P4HA3: variants seen among roughly 807,000 people sequenced by gnomAD.
The protein encoded by P4HA3 is prolyl 4-hydroxylase subunit alpha 3, also known as prolyl 4-hydroxylase subunit alpha-3.
P4HA3 carries 60 observed loss-of-function variants against 66.7 expected under a neutral mutation model. That is an observed-to-expected ratio of 0.90 (90% CI 0.73 to 1.12). The LOEUF (loss-of-function observed/expected upper bound fraction) is 1.12. P4HA3 is among the 50% of genes most tolerant of loss of function. The pLI, the probability that P4HA3 is intolerant of heterozygous loss-of-function variation, is 0.00. For synonymous variants in P4HA3, 263 were observed against 274.6 expected (o/e 0.96, Z 0.42); for missense variants, 683 against 685.8 (o/e 1.00, Z 0.05).
intron 15 of P4HA3, among the ~76,000 whole-genome samples, chr11:74,258,148 A>G (rs926168324): frequency 1.3e-5 from 2 of 152,172 alleles, no homozygotes; most frequent in Non-Finnish European, 2.9e-5. Context: ...ACTCATTCTC[A>G]GTCTGGGGCC....
chr11:74,253,560 C>G (rs776799516), intron 15 of P4HA3: 38 of 1,561,602 alleles, frequency 2.4e-5, no homozygotes, highest in Non-Finnish European at 3.3e-5. Context: ...GTAAATACGT[C>G]GCACCAGAGG....
rs766362974 is a variant in P4HA3 at position 74,279,445 on chromosome 11, C to T, written c.1118G>A (p.Arg373Lys). The T allele has an allele frequency of 7.4e-6, 12 of 1,613,790 alleles. No homozygotes were observed. Among genetic ancestry groups the T allele is most frequent in the Non-Finnish European group, 1.0e-5 (12 of 1,179,832 alleles). ...CTTCTCCCCTGATGCCACCACTGAC[C>T]TCTGTAGCTGGTGGGAAGAATGTAA... ...IRELAEPWLQ[R>K]SVVASGEKQL... The change falls in exon 8 of 13, where the codon AGG becomes AAG. Residue 373 changes from arginine (R) to lysine (K), a missense_variant. Coordinates refer to ENST00000331597, the MANE Select transcript of P4HA3 (RefSeq NM_182904.5).
intron 10 of P4HA3, among the ~76,000 whole-genome samples, chr11:74,271,990 T>A (rs146080813): frequency 0.01 from 1,594 of 152,168 alleles, 24 homozygotes; most frequent in Middle Eastern, 0.031. Context: ...CCTTACATTA[T>A]CTCATCAGAC....
intron 7 of P4HA3, among the ~76,000 whole-genome samples, chr11:74,281,575 G>T (rs1860598945): frequency 6.6e-6 from 1 of 152,014 alleles, no homozygotes; most frequent in African/African-American, 2.4e-5. Flanking sequence ...TCCTTTGTAG[G>T]GACATGGATG....
chr11:74,276,793 T>A (rs183411433), intron 9 of P4HA3, among the ~76,000 whole-genome samples, 192 bp downstream of exon 9: 102 of 152,300 alleles, frequency 6.7e-4, no homozygotes, highest in Non-Finnish European at 1.2e-3. Flanking sequence ...AGAAGGGAGA[T>A]GGTGGCAGAC....
chr11:74,300,827 TAGA>T (rs1861385050), intron 3 of P4HA3, among the ~76,000 whole-genome samples: 1 of 152,166 alleles, frequency 6.6e-6, no homozygotes, highest in Non-Finnish European at 1.5e-5. Flanking sequence ...AGGATGTTAA[TAGA>T]AGCTTTATTC....
At chr11:74,298,630 T>C (rs991884633) in intron 3 of P4HA3, among the ~76,000 whole-genome samples, 3 of 152,176 alleles carry the variant, frequency 2.0e-5, no homozygotes, top group South Asian at 4.1e-4. Context: ...CAGAATATCA[T>C]GAGTGCTCCA....
At position 74,280,428 on chromosome 11, in the gene P4HA3, G is replaced by A. The variant is rs758160685; in HGVS notation, c.1111-976C>T. 1.8e-4 allele frequency among the ~76,000 whole-genome samples: 28 copies of A among 152,140 alleles called. 1 individual carries two copies. Among genetic ancestry groups the A allele is most frequent in the Admixed American group, 8.5e-4 (13 of 15,276 alleles). ...TCCCACCTCGGCCTCCCAAAGTGCT[G>A]GGATTACAGGAATGAGCCACCATAC... On this transcript the variant is annotated intron_variant, in intron 7 of 12. Transcript: ENST00000331597.
intron 1 of P4HA3, among the ~76,000 whole-genome samples, chr11:74,306,291 TC>T (rs940834798): frequency 4.6e-5 from 7 of 152,134 alleles, no homozygotes; most frequent in Non-Finnish European, 8.8e-5. Flanking sequence ...CCAGTTAATT[TC>T]CCTTCTCCAG....
chr11:74,267,693 G>A (rs188015397), intron 12 of P4HA3, among the ~76,000 whole-genome samples: 2 of 152,274 alleles, frequency 1.3e-5, no homozygotes, highest in African/African-American at 4.8e-5. Context: ...CAGCTTATGA[G>A]CCCCCTTCCA....
At chr11:74,276,510 C>T (rs1413177554) in intron 9 of P4HA3, among the ~76,000 whole-genome samples, 2 of 151,908 alleles carry the variant, frequency 1.3e-5, no homozygotes, top group Non-Finnish European at 2.9e-5. Flanking sequence ...TATGATGGTG[C>T]CACTACACTG....
At chr11:74,299,827 C>T (rs898897789) in intron 3 of P4HA3, among the ~76,000 whole-genome samples, 1 of 151,904 alleles carries the variant, frequency 6.6e-6, no homozygotes, top group Non-Finnish European at 1.5e-5. Flanking sequence ...GTTATAATGC[C>T]CATATGAGGA....
chr11:74,304,554 G>T, intron 1 of P4HA3, 142 bp from the exon 2 acceptor site: 1 of 945,230 alleles, frequency 1.1e-6, no homozygotes, highest in Non-Finnish European at 1.6e-6. Flanking sequence ...CAACCAAAAA[G>T]CCATGCAAGC....
chr11:74,269,852 A>G, intron 10 of P4HA3, 132 bp from the exon 11 acceptor site: 1 of 955,254 alleles, frequency 1.0e-6, no homozygotes, highest in South Asian at 1.9e-5. Context: ...TTGAAAGACA[A>G]TCATCCAACT....
At chr11:74,300,370 C>T (rs1412820173) in intron 3 of P4HA3, among the ~76,000 whole-genome samples, 2 of 152,196 alleles carry the variant, frequency 1.3e-5, no homozygotes, top group African/African-American at 2.4e-5. Context: ...GTGGTTTATG[C>T]CTGTAATCCC....
At chr11:74,276,407 A>T (rs1025192531) in intron 9 of P4HA3, among the ~76,000 whole-genome samples, 18 of 152,024 alleles carry the variant, frequency 1.2e-4, no homozygotes, top group East Asian at 3.9e-4. Context: ...TACAAAAAAA[A>T]TTTTTTTAAA....
At position 74,311,499 on chromosome 11, in the gene P4HA3, G is replaced by A. The variant is rs1861748405; in HGVS notation, c.113C>T (p.Ala38Val). 18 of 1,535,468 alleles carry A rather than the reference G, an allele frequency of 1.2e-5. No individual in the cohort carries two copies. The highest frequency in any genetic ancestry group is 1.5e-5 in the Non-Finnish European group (17 of 1,148,614). ...GDTFSALTSV[A>V]RALAPERRLL... ...CCGGCGCTCGGGCGCCAGGGCGCGC[G>A]CCACGCTGGTCAGCGCCGAGAACGT... The change falls in exon 1 of 13, where the codon GCG becomes GTG. Residue 38 changes from alanine to valine, a missense_variant. Coordinates refer to ENST00000331597, the MANE Select transcript of P4HA3 (RefSeq NM_182904.5).
chr11:74,303,880 G>C (rs931746196), intron 2 of P4HA3, among the ~76,000 whole-genome samples: 2 of 152,048 alleles, frequency 1.3e-5, no homozygotes, highest in Admixed American at 6.5e-5. Context: ...ACCGCGCCTG[G>C]CCGTCAACAA....
At chr11:74,263,197 G>A (rs1208993388), downstream of P4HA3, among the ~76,000 whole-genome samples, 2 of 152,248 alleles carry the variant, frequency 1.3e-5, no homozygotes, top group Admixed American at 6.5e-5. Flanking sequence ...TGAGCAGGTC[G>A]TCTTCTTTTC....
Sources: gnomAD v4.1 joint callset for allele counts (sites outside exome capture counted in the v4.1 genomes callset) on GRCh38, gnomAD v4.1.1 for gene constraint, MANE v1.5 for transcripts, NCBI Gene and HGNC (gene_info 2026-07-23, HGNC 2026-07-21) for gene names.